Variants in GATA4 observed in about 807,000 individuals in gnomAD.
GATA4 encodes transcription factor GATA-4.
Under a neutral mutation model 37.9 loss-of-function variants are expected in GATA4, and 7 were observed. The observed-to-expected ratio is 0.18, with a 90% CI of 0.11 to 0.35. The LOEUF (loss-of-function observed/expected upper bound fraction) is 0.35, where lower values mean the gene tolerates loss of function less well. Ranked by LOEUF, GATA4 falls within the 10% of genes least tolerant of loss-of-function variation. GATA4 has a pLI of 1.00. For missense variants in GATA4, 647 were observed against 653.0 expected (o/e 0.99, Z 0.10); for synonymous variants, 372 against 292.6 (o/e 1.27, Z -2.77).
chr8:11,707,510 G>C lies in GATA4; in HGVS notation c.-457-346G>C, dbSNP rs1585592604. ...CACTCTGCATTAACGCCAAACTTTT[G>C]GACTTACAAAAATATGCTTGCAGAA... is the stretch of plus-strand genomic sequence containing the variant. On this transcript the variant is annotated intron_variant, in intron 1 of 6. Transcript: ENST00000532059. This position sits in a 1 kb window ranked among gnomAD's most constrained non-coding sequence, Gnocchi z 4.7. 6.6e-6 allele frequency among the ~76,000 whole-genome samples: 1 copy of C among 152,196 alleles called. No individual in the cohort carries two copies. The highest frequency in any genetic ancestry group is 1.9e-4 in the East Asian group (1 of 5,176).
intron 1 of GATA4, chr8:11,694,580 G>A: frequency 1.1e-6 from 1 of 882,672 alleles, no homozygotes; most frequent in Non-Finnish European, 1.4e-6. Context: ...GATCATGGAA[G>A]CCAAACTGTC....
In GATA4 at chr8:11,708,632, G is replaced by C; in HGVS notation, c.320G>C (p.Arg107Pro). The change falls in exon 2 of 7, where the codon CGC (arginine) becomes CCC (proline). Residue 107 changes from arginine (R) to proline (P), a missense_variant. By Grantham distance (103) the Arg-to-Pro change is moderately radical (BLOSUM62 -2). This residue lies in a region of GATA4 where 379 missense variants were observed against 334.5 expected (regional missense o/e 1.13). Transcript: ENST00000532059. The surrounding 1 kb of genome is among the most constrained non-coding windows in gnomAD (Gnocchi z 6.7). ...TACACCCCGCCGCCGGTGTCGCCGC[G>C]CTTCTCCTTCCCGGGGACCACCGGG... ...AAYTPPPVSP[R>P]FSFPGTTGSL... 7 of 1,338,500 alleles carry C rather than the reference G, an allele frequency of 5.2e-6. No homozygotes were observed. The highest frequency in any genetic ancestry group is 6.7e-6 in the Non-Finnish European group (7 of 1,046,356). The allele number at this position is 1,338,500 out of a possible 1,614,324, so 82.9% of individuals were successfully genotyped here.
At chr8:11,712,409 A>C (rs1287539319) in intron 2 of GATA4, among the ~76,000 whole-genome samples, 2 of 152,238 alleles carry the variant, frequency 1.3e-5, no homozygotes, top group African/African-American at 4.8e-5. Flanking sequence ...GAGAAGCAGC[A>C]TCATTCTTCC....
At chr8:11,679,502 C>T (rs1249739036) in intron 1 of GATA4, among the ~76,000 whole-genome samples, 1 of 152,228 alleles carries the variant, frequency 6.6e-6, no homozygotes, top group African/African-American at 2.4e-5. Context: ...GAGAGTGGAG[C>T]CCTCTCAGGC....
chr8:11,735,176 T>G (rs1350076309), intron 2 of GATA4, among the ~76,000 whole-genome samples: 2 of 152,182 alleles, frequency 1.3e-5, no homozygotes, highest in African/African-American at 4.8e-5. Context: ...TGGTGGTGGG[T>G]TTAAGAGTGT....
intron 2 of GATA4, among the ~76,000 whole-genome samples, chr8:11,710,461 G>A (rs1324517355): frequency 3.3e-5 from 5 of 151,374 alleles, no homozygotes; most frequent in Admixed American, 3.3e-4. Flanking sequence ...AAATAGGGAG[G>A]ACTGGGCCAG....
chr8:11,686,927 G>A (rs984126611), intron 1 of GATA4, among the ~76,000 whole-genome samples: 25 of 152,030 alleles, frequency 1.6e-4, no homozygotes, highest in African/African-American at 5.8e-4. Context: ...GAACCCGGGA[G>A]GCGGAGGTTG....
At position 11,708,157 on chromosome 8, in the gene GATA4, T is replaced by C; in HGVS notation, c.-156T>C. 1 of 823,156 alleles carries C rather than the reference T, an allele frequency of 1.2e-6. No individual in the cohort carries two copies. The highest frequency in any genetic ancestry group is 2.0e-6 in the Non-Finnish European group (1 of 498,670). 51.0% of individuals were successfully genotyped at this position (823,156 alleles called of 1,614,324 possible). ...CAATGCTGGATTTAATACGTATATA[T>C]TTTTAAGCGAGTTGGTTTTTTCCCC... On this transcript the variant is annotated 5_prime_UTR_variant, in exon 2 of 7. Transcript: ENST00000532059. The surrounding 1 kb of genome is among the most constrained non-coding windows in gnomAD (Gnocchi z 6.7).
chr8:11,718,664 A>G (rs1366699829), intron 2 of GATA4, among the ~76,000 whole-genome samples: 1 of 152,250 alleles, frequency 6.6e-6, no homozygotes, highest in African/African-American at 2.4e-5. Flanking sequence ...GGATCCCCTA[A>G]TCGCAAATCC....
At chr8:11,755,018 C>T (rs1422064331) in intron 4 of GATA4, 28 bp from the exon 5 acceptor site, 1 of 1,571,122 alleles carries the variant, frequency 6.4e-7, no homozygotes, top group South Asian at 1.1e-5. Context: ...AAATGGAAAA[C>T]CCTATATATT....
At chr8:11,678,875 G>C (rs988931459) in intron 1 of GATA4, among the ~76,000 whole-genome samples, 1 of 152,150 alleles carries the variant, frequency 6.6e-6, no homozygotes, top group Non-Finnish European at 1.5e-5. Flanking sequence ...GTTCGATTAG[G>C]GGGGAGCCTT....
intron 1 of GATA4, among the ~76,000 whole-genome samples, chr8:11,704,746 G>A (rs917743399): frequency 1.3e-5 from 2 of 152,240 alleles, no homozygotes; most frequent in Non-Finnish European, 2.9e-5. Context: ...GCGACTCCGG[G>A]GACGCAGGGT....
chr8:11,698,737 T>G (rs987358024), intron 1 of GATA4, among the ~76,000 whole-genome samples: 2 of 152,130 alleles, frequency 1.3e-5, no homozygotes, highest in Non-Finnish European at 2.9e-5. Context: ...GGTTCCCAGC[T>G]CAACTTCCCA....
intron 2 of GATA4, among the ~76,000 whole-genome samples, chr8:11,724,417 A>G (rs1422811950): frequency 6.6e-6 from 1 of 152,158 alleles, no homozygotes; most frequent in African/African-American, 2.4e-5. Flanking sequence ...ACCATTTTAT[A>G]TCCTTCATGG....
upstream of GATA4, among the ~76,000 whole-genome samples, chr8:11,691,248 C>G (rs1044598367): frequency 1.3e-5 from 2 of 152,206 alleles, no homozygotes; most frequent in African/African-American, 2.4e-5. Context: ...TTTTTAGTTC[C>G]TCACTGAACA....
chr8:11,691,041 A>G (rs868528455), upstream of GATA4, among the ~76,000 whole-genome samples: 1 of 152,192 alleles, frequency 6.6e-6, no homozygotes, highest in Non-Finnish European at 1.5e-5. Context: ...TGGTTTCTTC[A>G]TCTATAAAAT....
intron 1 of GATA4, among the ~76,000 whole-genome samples, chr8:11,687,292 C>T (rs1410348549): frequency 6.6e-6 from 1 of 152,146 alleles, no homozygotes; most frequent in Non-Finnish European, 1.5e-5. Flanking sequence ...GCTCCTCAGG[C>T]ACAGTTTTTT....
At chr8:11,729,424 C>G (rs1801097191) in intron 2 of GATA4, among the ~76,000 whole-genome samples, 1 of 151,934 alleles carries the variant, frequency 6.6e-6, no homozygotes, top group Non-Finnish European at 1.5e-5. Context: ...AAAAAATTAG[C>G]CAGGCGTGGT....
chr8:11,684,133 C>A (rs914353376), intron 1 of GATA4, among the ~76,000 whole-genome samples: 1 of 152,202 alleles, frequency 6.6e-6, no homozygotes, highest in Non-Finnish European at 1.5e-5. Flanking sequence ...ATGGAGATCC[C>A]TGAGCTGCTA....
Sources: gnomAD v4.1 joint callset for allele counts (sites outside exome capture counted in the v4.1 genomes callset) on GRCh38, gnomAD v4.1.1 for gene constraint, gnomAD v4.1.1 regional missense constraint, Gnocchi (gnomAD v3.1) non-coding constraint, MANE v1.5 for transcripts, NCBI Gene and HGNC (gene_info 2026-07-23, HGNC 2026-07-21) for gene names.